Variants in C1orf159 observed in about 807,000 individuals in gnomAD.
C1orf159 encodes chromosome 1 open reading frame 159, also known as uncharacterized protein C1orf159.
A neutral mutation model predicts 25.6 loss-of-function variants in C1orf159; 19 were observed. That is an observed-to-expected ratio of 0.74 (90% CI 0.52 to 1.09). The LOEUF is 1.09. C1orf159 is among the 50% of genes least tolerant of loss of function. C1orf159 has a pLI of 0.00. For missense variants in C1orf159, 274 were observed against 290.6 expected (o/e 0.94, Z 0.42); for synonymous variants, 139 against 124.7 (o/e 1.12, Z -0.77).
Position 1,085,957 on chromosome 1 carries a change from G to A in C1orf159, c.366C>T (p.Gly122=). 1 of 1,613,434 alleles carries A rather than the reference G, an allele frequency of 6.2e-7. No homozygotes were observed. The highest frequency in any genetic ancestry group is 8.5e-7 in the Non-Finnish European group (1 of 1,179,808). The stretch of plus-strand genomic sequence containing the variant: ...AGAACCCAGCTACGGAGAGGATGAG[G>A]CCGGAGCTAATGAAGAACGTGCCCA... ...LFLGTFFISS[G]LILSVAGFFY... The change falls in exon 7 of 10, where the codon GGC becomes GGT. Residue 122 remains glycine, a synonymous_variant. Coordinates refer to ENST00000421241, the MANE Select transcript of C1orf159 (RefSeq NM_017891.5).
Position 1,108,393 on chromosome 1 carries a change from G to A in C1orf159, c.-136+7667C>T, listed in dbSNP as rs1271776537. ...ACCACAGCCACCATGTCTCGGCACCGTTCACCACAGCCACCATGTCTCAGC... is the reference window on the plus strand; with the variant it reads ...ACCACAGCCACCATGTCTCGGCACCATTCACCACAGCCACCATGTCTCAGC... On this transcript the variant is annotated intron_variant, in intron 1 of 9. Coordinates refer to ENST00000421241, the MANE Select transcript of C1orf159 (RefSeq NM_017891.5). 2.7e-4 allele frequency among the ~76,000 whole-genome samples: 25 copies of A among 93,158 alleles called. 1 individual carries two copies. The highest frequency in any genetic ancestry group is 1.1e-3 in the African/African-American group (19 of 16,634). The allele number at this position is 93,158 out of a possible 152,430, so 61.1% of individuals were successfully genotyped here.
At chr1:1,098,857 C>T (rs1282864902) in intron 1 of C1orf159, among the ~76,000 whole-genome samples, 1 of 152,164 alleles carries the variant, frequency 6.6e-6, no homozygotes, top group Non-Finnish European at 1.5e-5. Flanking sequence ...GGTGATCCAC[C>T]CGACTCGGGC....
chr1:1,083,935 C>T, intron 9 of C1orf159: 2 of 1,593,702 alleles, frequency 1.3e-6, no homozygotes, highest in Non-Finnish European at 8.5e-7. Context: ...CTTGGGTCCG[C>T]CTGACCCAGC....
At chr1:1,093,724 C>T (rs1157596496) in intron 1 of C1orf159, among the ~76,000 whole-genome samples, 1 of 152,262 alleles carries the variant, frequency 6.6e-6, no homozygotes, top group African/African-American at 2.4e-5. Context: ...GGGCTGCTCC[C>T]AGTTCCTGGT....
rs143221733 is a variant in C1orf159 at position 1,091,986 on chromosome 1, C to T, written c.-23+5G>A. 2,816 of 458,870 alleles carry T rather than the reference C, an allele frequency of 6.1e-3. 15 individuals carry two copies. The highest frequency in any genetic ancestry group is 9.4e-3 in the Non-Finnish European group (2,141 of 228,838). 28.4% of individuals were successfully genotyped at this position (458,870 alleles called of 1,614,324 possible). ...GGGTGGGGCGAGGTGTAGGCAGGGC[C>T]TTACCTGCCCCTCCAGGATGGGGAC... On this transcript the variant is annotated splice_donor_5th_base_variant and intron_variant, in intron 2 of 9. Transcript: ENST00000421241.
chr1:1,085,565 C>T (rs1298885172), intron 7 of C1orf159, among the ~76,000 whole-genome samples: 1 of 152,224 alleles, frequency 6.6e-6, no homozygotes, highest in African/African-American at 2.4e-5. Flanking sequence ...CACCCAGCCC[C>T]GCTCCACTCG....
chr1:1,091,596 G>A lies in C1orf159; in HGVS notation c.-22-31C>T, dbSNP rs750191521. ...ACAGGGAGGAGCATGCGGAGCCAAA[G>A]AGATGGAGTGGGGCTGAGGCAGGGT... On this transcript the variant is annotated intron_variant, in intron 2 of 9. Coordinates refer to ENST00000421241, the MANE Select transcript of C1orf159 (RefSeq NM_017891.5). The A allele has an allele frequency of 3.2e-5, 47 of 1,469,412 alleles. No homozygotes were observed. In the South Asian group the frequency reaches 5.6e-4, roughly 17 times the overall value. 91.0% of individuals were successfully genotyped at this position (1,469,412 alleles called of 1,614,324 possible).
At chr1:1,113,047 T>G (rs549937876) in intron 1 of C1orf159, among the ~76,000 whole-genome samples, 1 of 152,174 alleles carries the variant, frequency 6.6e-6, no homozygotes, top group South Asian at 2.1e-4. Context: ...ATACAAAAAA[T>G]TAGCCGGTTG....
intron 1 of C1orf159, among the ~76,000 whole-genome samples, chr1:1,094,232 A>G (rs1454532851): frequency 6.6e-6 from 1 of 151,074 alleles, no homozygotes; most frequent in Non-Finnish European, 1.5e-5. Context: ...CGAGTAGCTG[A>G]GACTACAGGT....
intron 2 of C1orf159, 89 bp downstream of exon 2, chr1:1,091,902 A>G (rs1645945289): frequency 4.4e-6 from 2 of 458,326 alleles, no homozygotes; most frequent in Admixed American, 2.6e-5. Context: ...CACGACAGGG[A>G]AGGTGGAGCC....
At position 1,082,833 on chromosome 1, in the gene C1orf159, C is replaced by G; in HGVS notation, c.*60G>C. 2.1e-6 allele frequency: 3 copies of G among 1,451,864 alleles called. No individual in the cohort carries two copies. The highest frequency in any genetic ancestry group is 2.8e-6 in the Non-Finnish European group (3 of 1,057,100). 89.9% of individuals were successfully genotyped at this position (1,451,864 alleles called of 1,614,324 possible). On this transcript the variant is annotated 3_prime_UTR_variant, in exon 10 of 10. Transcript: ENST00000421241. ...TGCCAACACTTTGTGCTGGTTCCCG[C>G]CAAGGGGTCGGCCTCCGGGTCCCTG... is the stretch of plus-strand genomic sequence containing the variant.
intron 1 of C1orf159, among the ~76,000 whole-genome samples, chr1:1,115,418 A>G (rs1646321239): frequency 6.7e-6 from 1 of 150,100 alleles, no homozygotes; most frequent in South Asian, 2.1e-4. Context: ...CGGTGCCCCC[A>G]CTCCCGGCTG....
chr1:1,090,126 C>G (rs1239404789), intron 4 of C1orf159, among the ~76,000 whole-genome samples: 1 of 152,218 alleles, frequency 6.6e-6, no homozygotes, highest in East Asian at 1.9e-4. Context: ...CTGCTCCCAG[C>G]CCTCTGCTGG....
Position 1,110,693 on chromosome 1 carries a change from C to A in C1orf159, c.-136+5367G>T, listed in dbSNP as rs11590188. 0.21 allele frequency among the ~76,000 whole-genome samples: 31,290 copies of A among 152,062 alleles called. 3,921 individuals carry two copies. The highest frequency in any genetic ancestry group is 0.35 in the African/African-American group (14,550 of 41,402). ...GCACGTTCCCAAGAGAAACAACACACGCCCGCCAAACACGTGCACAAAAAT... is the reference window on the plus strand; with the variant it reads ...GCACGTTCCCAAGAGAAACAACACAAGCCCGCCAAACACGTGCACAAAAAT... On this transcript the variant is annotated intron_variant, in intron 1 of 9. Coordinates refer to ENST00000421241, the MANE Select transcript of C1orf159 (RefSeq NM_017891.5). The surrounding 1 kb of genome is among the most constrained non-coding windows in gnomAD (Gnocchi z 4.8).
intron 4 of C1orf159, 50 bp downstream of exon 4, chr1:1,090,296 ACACACAC>A: frequency 6.6e-7 from 1 of 1,511,976 alleles, no homozygotes. Flanking sequence ...CCCTGGGCAC[ACACACAC>A]CAGTGGCTCA....
intron 6 of C1orf159, among the ~76,000 whole-genome samples, chr1:1,086,776 C>A (rs1319108641): frequency 6.6e-6 from 1 of 151,806 alleles, no homozygotes; most frequent in African/African-American, 2.4e-5. Flanking sequence ...GTGGTGTCAG[C>A]GTGAGCCGTG....
chr1:1,101,321 A>G (rs1646096877), intron 1 of C1orf159, among the ~76,000 whole-genome samples: 1 of 152,056 alleles, frequency 6.6e-6, no homozygotes. Flanking sequence ...CATCTCTACT[A>G]AAAATACAAA....
Position 1,087,273 on chromosome 1 carries a change from A to T in C1orf159, c.245-69T>A. ...CACGGGGACACCCACGTGCACCCTG[A>T]AGGGATCTCAGGACGGAAATATGAA... On this transcript the variant is annotated intron_variant, in intron 5 of 9. Coordinates refer to ENST00000421241, the MANE Select transcript of C1orf159 (RefSeq NM_017891.5). The surrounding 1 kb of genome is among the most constrained non-coding windows in gnomAD (Gnocchi z 8.3). 2.1e-6 allele frequency: 3 copies of T among 1,445,458 alleles called. No individual in the cohort carries two copies. The highest frequency in any genetic ancestry group is 2.8e-6 in the Non-Finnish European group (3 of 1,069,824). The allele number at this position is 1,445,458 out of a possible 1,614,324, so 89.5% of individuals were successfully genotyped here.
At chr1:1,099,655 A>G (rs12740893) in intron 1 of C1orf159, among the ~76,000 whole-genome samples, 94 of 140,122 alleles carry the variant, frequency 6.7e-4, no homozygotes, top group African/African-American at 1.5e-3. Context: ...ATCTCTGACT[A>G]TGATTGTGGA....
Sources: allele counts gnomAD v4.1 joint callset (sites outside exome capture counted in the v4.1 genomes callset), GRCh38; gene constraint gnomAD v4.1.1; non-coding constraint Gnocchi (gnomAD v3.1); transcripts MANE v1.5; gene names NCBI Gene and HGNC (gene_info 2026-07-23, HGNC 2026-07-21).